RFT1: variants seen among roughly 807,000 people sequenced by gnomAD.
RFT1 encodes RFT1 glycolipid translocator homolog.
In RFT1, 43 loss-of-function variants were observed where a neutral mutation model predicts 62.2. That is an observed-to-expected ratio of 0.69 (90% confidence interval 0.54 to 0.89). The LOEUF (loss-of-function observed/expected upper bound fraction) is 0.89, where lower values mean the gene tolerates loss of function less well. Ranked by LOEUF, RFT1 falls within the 40% of genes least tolerant of loss-of-function variation. The pLI, the probability that RFT1 is intolerant of heterozygous loss-of-function variation, is 0.00. For missense variants in RFT1, 605 were observed against 649.9 expected, an observed-to-expected ratio of 0.93 and a Z score of 0.75; for synonymous variants, 262 against 264.6, an observed-to-expected ratio of 0.99 and a Z score of 0.10.
intron 11 of RFT1, among the ~76,000 whole-genome samples, chr3:53,095,545 C>T (rs1054169946): frequency 3.3e-5 from 5 of 151,932 alleles, no homozygotes; most frequent in East Asian, 1.9e-4. Context: ...CCAGAGACTC[C>T]GTCTCTACAA....
chr3:53,114,757 G>C (rs1701747019), intron 6 of RFT1, among the ~76,000 whole-genome samples: 2 of 152,164 alleles, frequency 1.3e-5, no homozygotes, highest in Admixed American at 6.5e-5. Context: ...ACGGAGAAAT[G>C]GCGGCTAAGG....
At chr3:53,119,787 TTTATGA>T (rs1177844267) in intron 6 of RFT1, 91 bp downstream of exon 6, 2 of 1,166,432 alleles carry the variant, frequency 1.7e-6, no homozygotes, top group African/African-American at 1.5e-5. Context: ...TAAAATTCTA[TTTATGA>T]TTATAACAAT....
chr3:53,084,301 CT>C (rs1700813281), downstream of RFT1, among the ~76,000 whole-genome samples: 1 of 152,222 alleles, frequency 6.6e-6, no homozygotes, highest in Non-Finnish European at 1.5e-5. Flanking sequence ...TGCCATTCCC[CT>C]GGTGTTACCT....
At chr3:53,108,703 G>T (rs1453153038) in intron 7 of RFT1, among the ~76,000 whole-genome samples, 5 of 140,302 alleles carry the variant, frequency 3.6e-5, no homozygotes, top group African/African-American at 7.8e-5. Context: ...TCTTTAAATG[G>T]TTTTTTTTTT....
rs535487147 is a variant in RFT1, at chr3:53,106,860, T to C, written c.785A>G (p.Tyr262Cys). 1.2e-6 allele frequency: 2 copies of C among 1,613,122 alleles called. No homozygotes were observed. The highest frequency in any genetic ancestry group is 2.2e-5 in the South Asian group (2 of 91,036). ...LKQILTEGER[Y>C]VMTFLNVLNF... ...CAATACATTCAAAAATGTCATCACATATCGCTCGCCTATAAACAAAAAAGC... is the reference window on the plus strand; with the variant it reads ...CAATACATTCAAAAATGTCATCACACATCGCTCGCCTATAAACAAAAAAGC... The change falls in exon 8 of 13, where the codon TAT becomes TGT. Residue 262 changes from tyrosine to cysteine, a missense_variant. Physicochemically the swap from Tyr to Cys is radical, Grantham distance 194 (BLOSUM62 -2). Coordinates refer to ENST00000296292, the MANE Select transcript of RFT1 (RefSeq NM_052859.4).
chr3:53,125,907 A>G lies in RFT1; in HGVS notation c.149+2T>C, dbSNP rs1186271390. On this transcript the variant is annotated splice_donor_variant, in intron 2 of 12. Coordinates refer to ENST00000296292, the MANE Select transcript of RFT1 (RefSeq NM_052859.4). LOFTEE classifies it high-confidence loss of function. ...ACAGTGCCAGGGTGCATCTCCTCCT[A>G]CCTTACATTTACTACGCCAACGATT... The G allele has an allele frequency of 6.2e-7, 1 of 1,612,334 alleles. No homozygotes were observed. The highest frequency in any genetic ancestry group is 8.5e-7 in the Non-Finnish European group (1 of 1,178,576).
chr3:53,078,794 C>G, the RFT1 span, among the ~76,000 whole-genome samples: 15 of 152,188 alleles, frequency 9.9e-5, no homozygotes, highest in Middle Eastern at 3.2e-3. Context: ...GACTAGCTCC[C>G]CTGCAGGACC....
chr3:53,076,536 G>A, the RFT1 span, among the ~76,000 whole-genome samples: 4 of 152,190 alleles, frequency 2.6e-5, no homozygotes, highest in Admixed American at 6.5e-5. Context: ...CAATGTTTGC[G>A]TAGCGTTAAA....
chr3:53,126,906 T>C, intron 1 of RFT1, among the ~76,000 whole-genome samples: 1 of 152,198 alleles, frequency 6.6e-6, no homozygotes, highest in Admixed American at 6.5e-5. Context: ...TGTGAAGAGT[T>C]GCAATTTGGA....
intron 6 of RFT1, among the ~76,000 whole-genome samples, chr3:53,113,471 C>A (rs1701707650): frequency 6.6e-6 from 1 of 152,196 alleles, no homozygotes; most frequent in Admixed American, 6.5e-5. Context: ...AGGTCAGCCA[C>A]AGCTCTGGAA....
At position 53,091,453 on chromosome 3, in the gene RFT1, G is replaced by A. The variant is rs2564922; in HGVS notation, c.*450C>T. On this transcript the variant is annotated 3_prime_UTR_variant, in exon 13 of 13. Coordinates refer to ENST00000296292, the MANE Select transcript of RFT1 (RefSeq NM_052859.4). ...CACTCTGTTTCCATGTGGTGCATGA[G>A]AGAGAGAGGTTTCTCTCTCTCTTTT... 0.63 allele frequency: 124,783 copies of A among 197,224 alleles called. 40,267 individuals carry two copies. Among genetic ancestry groups the A allele is most frequent in the East Asian group, 0.84 (6,886 of 8,210 alleles). The allele number at this position is 197,224 out of a possible 1,614,324, so 12.2% of individuals were successfully genotyped here.
Position 53,091,771 on chromosome 3 carries a change from TG to T in RFT1, c.*131del. ...AGGTGTCTCATGCAGTGGCACTCTC[TG>T]GTGCCTCATCTCTGGGGTTGCTGTC... is the stretch of plus-strand genomic sequence containing the variant. On this transcript the variant is annotated 3_prime_UTR_variant, in exon 13 of 13. Coordinates refer to ENST00000296292, the MANE Select transcript of RFT1 (RefSeq NM_052859.4). The T allele has an allele frequency of 1.1e-6, 1 of 931,214 alleles. No homozygotes were observed. The highest frequency in any genetic ancestry group is 1.7e-6 in the Non-Finnish European group (1 of 579,550). The allele number at this position is 931,214 out of a possible 1,614,324, so 57.7% of individuals were successfully genotyped here.
At chr3:53,096,811 C>G (rs866273634) in intron 11 of RFT1, among the ~76,000 whole-genome samples, 6 of 152,190 alleles carry the variant, frequency 3.9e-5, no homozygotes, top group Non-Finnish European at 7.3e-5. Flanking sequence ...ATGGCATGAT[C>G]TCCGCTCACT....
At chr3:53,113,260 C>T (rs1387286782) in intron 6 of RFT1, among the ~76,000 whole-genome samples, 2 of 152,212 alleles carry the variant, frequency 1.3e-5, no homozygotes, top group African/African-American at 4.8e-5. Flanking sequence ...AAGCAATCCT[C>T]CCACCTCGGC....
intron 6 of RFT1, among the ~76,000 whole-genome samples, chr3:53,114,420 T>C (rs538087384): frequency 3.9e-5 from 6 of 152,302 alleles, no homozygotes; most frequent in Non-Finnish European, 8.8e-5. Flanking sequence ...TTGATTTTCC[T>C]AATGCCTTTG....
the RFT1 span, among the ~76,000 whole-genome samples, chr3:53,082,708 C>CT: frequency 3.2e-4 from 49 of 152,180 alleles, 1 homozygote; most frequent in Admixed American, 2.4e-3. Flanking sequence ...TAAAATGTGT[C>CT]TCCCCACAAA....
chr3:53,087,494 C>T (rs934406750), downstream of RFT1, among the ~76,000 whole-genome samples: 1 of 152,062 alleles, frequency 6.6e-6, no homozygotes, highest in Admixed American at 6.6e-5. Flanking sequence ...CTGCCTGTCT[C>T]TTCCTCAACA....
At chr3:53,112,630 C>T (rs913195618) in intron 6 of RFT1, among the ~76,000 whole-genome samples, 2 of 152,176 alleles carry the variant, frequency 1.3e-5, no homozygotes, top group Non-Finnish European at 2.9e-5. Context: ...GTAATCTCAA[C>T]TACTTGGGAG....
Position 53,091,888 on chromosome 3 carries a change from C to T in RFT1, c.*15G>A, listed in dbSNP as rs752783410. On this transcript the variant is annotated 3_prime_UTR_variant, in exon 13 of 13. Transcript: ENST00000296292. The stretch of plus-strand genomic sequence containing the variant: ...AGCTGGTCCAGGTGCCTCGGGTGTC[C>T]AGGCTTCCCTGAAGTCATGTCATTT... The T allele has an allele frequency of 1.2e-6, 2 of 1,613,976 alleles. No individual in the cohort carries two copies. The highest frequency in any genetic ancestry group is 1.7e-5 in the Admixed American group (1 of 60,020).
Sources: allele counts gnomAD v4.1 joint callset (sites outside exome capture counted in the v4.1 genomes callset), GRCh38; gene constraint gnomAD v4.1.1; transcripts MANE v1.5; gene names NCBI Gene and HGNC (gene_info 2026-07-23, HGNC 2026-07-21).